The following NCALD variants were observed in gnomAD, a reference collection of about 807,000 sequenced individuals.
NCALD encodes the protein neurocalcin delta, also known as neurocalcin-delta.
NCALD carries 10 observed loss-of-function variants against 18.6 expected under a neutral mutation model. That is an observed-to-expected ratio of 0.54 (90% CI 0.33 to 0.91). The LOEUF is 0.91. Ranked by LOEUF, NCALD falls within the 40% of genes least tolerant of loss-of-function variation. The probability of loss-of-function intolerance (pLI) is 0.03; values close to 1 mark genes in which losing one functional copy is unlikely to be tolerated. For missense variants in NCALD, 184 were observed against 247.6 expected, an observed-to-expected ratio of 0.74 and a Z score of 1.72; for synonymous variants, 88 against 87.4, an observed-to-expected ratio of 1.01 and a Z score of -0.04.
intron 2 of NCALD, among the ~76,000 whole-genome samples, chr8:101,997,151 CAA>C (rs1292296715): frequency 6.6e-6 from 1 of 152,128 alleles, no homozygotes; most frequent in African/African-American, 2.4e-5. Flanking sequence ...CTCTGAGAGT[CAA>C]AGACTCTCAA....
At chr8:101,842,291 T>C (rs544726147) in intron 4 of NCALD, among the ~76,000 whole-genome samples, 15 of 151,976 alleles carry the variant, frequency 9.9e-5, no homozygotes, top group African/African-American at 3.6e-4. Flanking sequence ...ACTTATGAAT[T>C]TGCAAGGAGG....
intron 1 of NCALD, among the ~76,000 whole-genome samples, chr8:102,106,752 G>T (rs981685032): frequency 1.3e-5 from 2 of 152,146 alleles, no homozygotes; most frequent in African/African-American, 4.8e-5. Flanking sequence ...TGTAGGGGAG[G>T]TGTCCTGTGT....
chr8:101,945,191 T>C (rs774913424), intron 2 of NCALD, among the ~76,000 whole-genome samples: 56 of 152,208 alleles, frequency 3.7e-4, no homozygotes, highest in Non-Finnish European at 6.6e-4. Context: ...TTCCTCATTA[T>C]GGTGTTCATT....
chr8:102,081,202 G>A (rs1824515283), intron 1 of NCALD, among the ~76,000 whole-genome samples: 1 of 152,010 alleles, frequency 6.6e-6, no homozygotes, highest in Non-Finnish European at 1.5e-5. Context: ...AAACAAAAAC[G>A]AAAAGAACAA....
intron 3 of NCALD, among the ~76,000 whole-genome samples, chr8:101,913,210 T>C (rs531270852): frequency 6.6e-6 from 1 of 152,372 alleles, no homozygotes; most frequent in East Asian, 1.9e-4. Flanking sequence ...TAAGTCACTA[T>C]ATTTGTGGCA....
Position 101,892,572 on chromosome 8 carries a change from A to G in NCALD, c.-106-5345T>C, listed in dbSNP as rs779697330. The stretch of plus-strand genomic sequence containing the variant: ...AGACGATCAAACTACTCCGAGCTAC[A>G]GGAGGAAATTCAAACCAAAGGCAAA... On this transcript the variant is annotated intron_variant, in intron 3 of 6. Transcript: ENST00000311028. Among the ~76,000 whole-genome samples, 11 of 148,934 alleles carry G rather than the reference A, an allele frequency of 7.4e-5. 1 individual carries two copies. Among genetic ancestry groups the G allele is most frequent in the Admixed American group, 5.3e-4 (8 of 15,038 alleles).
At chr8:101,917,510 C>A (rs1005378994) in intron 2 of NCALD, among the ~76,000 whole-genome samples, 3 of 151,440 alleles carry the variant, frequency 2.0e-5, no homozygotes, top group African/African-American at 7.3e-5. Context: ...AGTTGAGACC[C>A]AAAAATTCAT....
chr8:101,711,161 C>G (rs1303527424), intron 2 of NCALD, among the ~76,000 whole-genome samples: 2 of 152,276 alleles, frequency 1.3e-5, no homozygotes, highest in African/African-American at 4.8e-5. Flanking sequence ...TCCAGCAGAC[C>G]TGCAGAAGAG....
At chr8:102,050,080 T>C (rs1270837562) in intron 1 of NCALD, among the ~76,000 whole-genome samples, 1 of 142,424 alleles carries the variant, frequency 7.0e-6, no homozygotes, top group Non-Finnish European at 1.5e-5. Flanking sequence ...GAGAATGGCG[T>C]GAACCCGGGA....
chr8:101,797,873 A>C (rs1812699157), intron 4 of NCALD, among the ~76,000 whole-genome samples: 1 of 152,096 alleles, frequency 6.6e-6, no homozygotes. Flanking sequence ...GCAAAAAATA[A>C]ATTAAATAAA....
chr8:101,690,287 G>A (rs1040015805), intron 3 of NCALD: 11 of 985,170 alleles, frequency 1.1e-5, no homozygotes, highest in East Asian at 1.1e-4. Context: ...TGTCTACCCC[G>A]CCCCTGGGAG....
chr8:101,883,843 A>G (rs1283559414), intron 4 of NCALD, among the ~76,000 whole-genome samples: 2 of 152,226 alleles, frequency 1.3e-5, no homozygotes, highest in Non-Finnish European at 2.9e-5. Context: ...TTTCAGATCC[A>G]TGGGAACAGG....
chr8:101,809,196 A>T (rs2131130187), intron 4 of NCALD, among the ~76,000 whole-genome samples: 1 of 152,330 alleles, frequency 6.6e-6, no homozygotes. Flanking sequence ...ATGTTCATGC[A>T]AAGACTGTTT....
intron 1 of NCALD, among the ~76,000 whole-genome samples, chr8:101,733,439 A>C (rs1236407229): frequency 1.3e-5 from 2 of 152,204 alleles, no homozygotes; most frequent in Non-Finnish European, 2.9e-5. Context: ...CTGCAGTAAA[A>C]TAGGCACAAT....
intron 2 of NCALD, among the ~76,000 whole-genome samples, chr8:101,971,820 ACT>A (rs1820251824): frequency 6.6e-6 from 1 of 151,742 alleles, no homozygotes; most frequent in Non-Finnish European, 1.5e-5. Flanking sequence ...TGGCCTCTTG[ACT>A]CTATTTTTAT....
At chr8:102,099,760 A>G (rs1825214922) in intron 1 of NCALD, among the ~76,000 whole-genome samples, 1 of 152,126 alleles carries the variant, frequency 6.6e-6, no homozygotes, top group Non-Finnish European at 1.5e-5. Flanking sequence ...CCTGGCCAAC[A>G]TGGTGAAACC....
chr8:101,884,911 T>C (rs898626572), intron 4 of NCALD, among the ~76,000 whole-genome samples: 2 of 152,208 alleles, frequency 1.3e-5, no homozygotes, highest in Non-Finnish European at 2.9e-5. Flanking sequence ...TCTCTCCATA[T>C]TATTCCTAAA....
intron 1 of NCALD, among the ~76,000 whole-genome samples, chr8:101,760,913 T>G (rs1224369490): frequency 6.6e-6 from 1 of 151,622 alleles, no homozygotes; most frequent in Non-Finnish European, 1.5e-5. Flanking sequence ...AAATTTCAAG[T>G]TAGTAGAGTG....
chr8:102,039,959 C>A (rs1822991483), intron 1 of NCALD, among the ~76,000 whole-genome samples: 1 of 152,112 alleles, frequency 6.6e-6, no homozygotes, highest in Non-Finnish European at 1.5e-5. Context: ...TCACCAGATG[C>A]CCAATCTTGA....
Sources: allele counts gnomAD v4.1 joint callset (sites outside exome capture counted in the v4.1 genomes callset), GRCh38; gene constraint gnomAD v4.1.1; transcripts MANE v1.5; gene names NCBI Gene and HGNC (gene_info 2026-07-23, HGNC 2026-07-21).